PCDHGA9: variants seen among roughly 807,000 people sequenced by gnomAD.
PCDHGA9 encodes the protein protocadherin gamma-A9.
Under a neutral mutation model 62.5 loss-of-function variants are expected in PCDHGA9, and 37 were observed. That is an observed-to-expected ratio of 0.59 (90% CI 0.46 to 0.78). The LOEUF (loss-of-function observed/expected upper bound fraction) is 0.78. Among genes scored for constraint, PCDHGA9 ranks in the 30% least tolerant of loss-of-function variants. The pLI is 0.00. For synonymous variants in PCDHGA9, 459 were observed against 484.6 expected (o/e 0.95, Z 0.69); for missense variants, 1,138 against 1,166.2 (o/e 0.98, Z 0.35).
At chr5:141,496,285 A>G (rs1003747820) in intron 2 of PCDHGA9, among the ~76,000 whole-genome samples, 1 of 152,210 alleles carries the variant, frequency 6.6e-6, no homozygotes, top group Non-Finnish European at 1.5e-5. Flanking sequence ...AGTTGGTCTG[A>G]GCAGAGTGGG....
At chr5:141,504,340 G>C (rs1240423982) in intron 2 of PCDHGA9, among the ~76,000 whole-genome samples, 1 of 152,062 alleles carries the variant, frequency 6.6e-6, no homozygotes, top group Non-Finnish European at 1.5e-5. Flanking sequence ...CAAGTGCTAG[G>C]CTTTGTGCTA....
At position 141,432,463 on chromosome 5, in the gene PCDHGA9, C is replaced by T; in HGVS notation, c.2424+27087C>T. ...CCGAGATCCTGTACCCCGCCCTCCC[C>T]ACGGACGGTTCCACTGGCGTGGAGC... On this transcript the variant is annotated intron_variant, in intron 1 of 3. Transcript: ENST00000573521. The surrounding 1 kb of genome is among the most constrained non-coding windows in gnomAD (Gnocchi z 6.0). 6.2e-7 allele frequency: 1 copy of T among 1,614,238 alleles called. No individual in the cohort carries two copies. The highest frequency in any genetic ancestry group is 1.1e-5 in the South Asian group (1 of 91,084).
chr5:141,447,851 C>T (rs961725006), intron 1 of PCDHGA9, among the ~76,000 whole-genome samples: 1 of 151,980 alleles, frequency 6.6e-6, no homozygotes, highest in East Asian at 1.9e-4. Flanking sequence ...TTTGGGAGGC[C>T]GAGGTGGGTG....
At chr5:141,504,817 G>T in intron 2 of PCDHGA9, among the ~76,000 whole-genome samples, 1 of 151,940 alleles carries the variant, frequency 6.6e-6, no homozygotes, top group East Asian at 1.9e-4. Flanking sequence ...TACCTCCTAG[G>T]TCCCCACTTT....
chr5:141,509,477 G>A (rs753058277), intron 3 of PCDHGA9, among the ~76,000 whole-genome samples: 7 of 152,166 alleles, frequency 4.6e-5, no homozygotes, highest in African/African-American at 7.2e-5. Context: ...CAGGTGAGGG[G>A]TAGAGGTGAT....
chr5:141,419,692 C>T (rs2096416788), intron 1 of PCDHGA9: 15 of 1,612,780 alleles, frequency 9.3e-6, no homozygotes, highest in Non-Finnish European at 1.3e-5. Context: ...TGGTGCAGGC[C>T]AGTGAGCCCG....
intron 1 of PCDHGA9, chr5:141,419,779 GCGCCTGCTAGT>G: frequency 6.2e-7 from 1 of 1,614,064 alleles, no homozygotes; most frequent in Non-Finnish European, 8.5e-7. Flanking sequence ...CGGTCCGCCA[GCGCCTGCTAGT>G]CGCTGTAAGA....
intron 1 of PCDHGA9, among the ~76,000 whole-genome samples, chr5:141,444,152 ATTTTTTTTTTTTTTTTTTTTTT>A (rs747671382): frequency 8.9e-5 from 3 of 33,882 alleles, no homozygotes; most frequent in East Asian, 1.0e-3. Flanking sequence ...TGTGTACTGG[ATTTTTTTTTTTTTTTTTTTTTT>A]TTTTTTTTTT....
At chr5:141,415,804 A>C in intron 1 of PCDHGA9, 1 of 1,366,960 alleles carries the variant, frequency 7.3e-7, no homozygotes, top group Non-Finnish European at 9.4e-7. Flanking sequence ...AGTCTCAATC[A>C]AGGCCTATAT....
intron 1 of PCDHGA9, chr5:141,426,791 C>T (rs2096960403): frequency 2.2e-6 from 1 of 456,574 alleles, no homozygotes; most frequent in Non-Finnish European, 4.4e-6. Context: ...TCCAGAGTTA[C>T]CAGCTCAGTT....
At chr5:141,418,373 C>T (rs936895178) in intron 1 of PCDHGA9, 1 of 1,614,006 alleles carries the variant, frequency 6.2e-7, no homozygotes, top group Non-Finnish European at 8.5e-7. Context: ...CAAATACCAA[C>T]TAAGTCCTAA....
At position 141,491,899 on chromosome 5, in the gene PCDHGA9, G is replaced by A; in HGVS notation, c.2425-2908G>A. The A allele has an allele frequency of 7.0e-7, 1 of 1,433,322 alleles. No homozygotes were observed. Among genetic ancestry groups the A allele is most frequent in the South Asian group, 1.5e-5 (1 of 67,156 alleles). The allele number at this position is 1,433,322 out of a possible 1,614,324, so 88.8% of individuals were successfully genotyped here. A position where few individuals can be genotyped will look rare whatever the true frequency, so the allele number is the denominator to read the frequency against. On this transcript the variant is annotated intron_variant, in intron 1 of 3. Coordinates refer to ENST00000573521, the MANE Select transcript of PCDHGA9 (RefSeq NM_018921.3). The surrounding 1 kb of genome is among the most constrained non-coding windows in gnomAD (Gnocchi z 6.9). ...TTAAGGGATGGGGCTCCGAGCACCG[G>A]GGGTGGTGGCGACTGTGGGCGAGGG... is the stretch of plus-strand genomic sequence containing the variant.
Position 141,410,849 on chromosome 5 carries a change from C to CTTTTTTTTT in PCDHGA9, c.2424+5487_2424+5495dup, listed in dbSNP as rs759346998. 1.7e-3 allele frequency: 239 copies of CTTTTTTTTT among 138,144 alleles called. 16 individuals are homozygous for CTTTTTTTTT. Among genetic ancestry groups the CTTTTTTTTT allele is most frequent in the African/African-American group, 4.5e-3 (75 of 16,616 alleles). 8.6% of individuals were successfully genotyped at this position (138,144 alleles called of 1,614,324 possible). On this transcript the variant is annotated intron_variant, in intron 1 of 3. Coordinates refer to ENST00000573521, the MANE Select transcript of PCDHGA9 (RefSeq NM_018921.3). ...CAGACTGAAGATATTTTGTCTTTGT[C>CTTTTTTTTT]TTTTTTTTTTTTTTTTTTTTTTGAG...
At chr5:141,429,169 T>TACACACACACACACACAC (rs10667977) in intron 1 of PCDHGA9, 2 of 145,394 alleles carry the variant, frequency 1.4e-5, no homozygotes, top group African/African-American at 5.1e-5. Flanking sequence ...ACATTGTTTA[T>TACACACACACACACACAC]ACACACACAC....
intron 1 of PCDHGA9, among the ~76,000 whole-genome samples, chr5:141,463,762 T>C (rs113547206): frequency 2.0e-5 from 3 of 152,214 alleles, no homozygotes; most frequent in African/African-American, 4.8e-5. Flanking sequence ...TCTTCTCTTA[T>C]GGGTTAGAAT....
intron 1 of PCDHGA9, chr5:141,409,182 T>C: frequency 6.2e-7 from 1 of 1,614,006 alleles, no homozygotes; most frequent in East Asian, 2.2e-5. Context: ...GGAGGTGGTC[T>C]CTCTACCCAG....
rs1160156030 is a variant in PCDHGA9 at position 141,477,238 on chromosome 5, C to T, written c.2425-17569C>T. 20 of 1,614,094 alleles carry T rather than the reference C, an allele frequency of 1.2e-5. No individual in the cohort carries two copies. The highest frequency in any genetic ancestry group is 5.0e-5 in the Admixed American group (3 of 60,006). The stretch of plus-strand genomic sequence containing the variant: ...CTCTGGGGACTGTCATCGCTTTGCT[C>T]AGTGTGACTGACCTGGATGCTGGCG... On this transcript the variant is annotated intron_variant, in intron 1 of 3. Transcript: ENST00000573521. This position sits in a 1 kb window ranked among gnomAD's most constrained non-coding sequence, Gnocchi z 4.9.
chr5:141,441,041 C>T (rs2098220628), intron 1 of PCDHGA9: 1 of 152,152 alleles, frequency 6.6e-6, no homozygotes, highest in African/African-American at 2.4e-5. Context: ...ACTTTAAGTA[C>T]ATTGGACTTT....
intron 1 of PCDHGA9, among the ~76,000 whole-genome samples, chr5:141,445,920 A>C (rs1343777309): frequency 6.6e-6 from 1 of 152,212 alleles, no homozygotes; most frequent in African/African-American, 2.4e-5. Context: ...GGCAGTGACA[A>C]GATATTTGAA....
Sources: allele counts gnomAD v4.1 joint callset (sites outside exome capture counted in the v4.1 genomes callset), GRCh38; gene constraint gnomAD v4.1.1; non-coding constraint Gnocchi (gnomAD v3.1); transcripts MANE v1.5; gene names NCBI Gene and HGNC (gene_info 2026-07-23, HGNC 2026-07-21).